DLGAP4: variants seen among roughly 807,000 people sequenced by gnomAD.
DLGAP4 encodes the protein DLG associated protein 4, also known as disks large-associated protein 4.
DLGAP4 carries 18 observed loss-of-function variants against 86.9 expected under a neutral mutation model. That is an observed-to-expected ratio of 0.21 (90% confidence interval 0.14 to 0.31). The LOEUF is 0.31. Among genes scored for constraint, DLGAP4 ranks in the 10% least tolerant of loss-of-function variants. The probability of loss-of-function intolerance (pLI) is 1.00; values close to 1 mark genes in which losing one functional copy is unlikely to be tolerated. For synonymous variants in DLGAP4, 548 were observed against 574.3 expected, an observed-to-expected ratio of 0.95 and a Z score of 0.65; for missense variants, 1,085 against 1,362.6, an observed-to-expected ratio of 0.80 and a Z score of 3.21.
At chr20:36,380,656 A>G (rs1033001885) in intron 2 of DLGAP4, among the ~76,000 whole-genome samples, 5 of 118,104 alleles carry the variant, frequency 4.2e-5, no homozygotes, top group African/African-American at 6.8e-5. Context: ...AGAGAGAGAG[A>G]GAGAGAGAAT....
chr20:36,446,638 C>G (rs1307234581), intron 6 of DLGAP4, 59 bp from the exon 7 acceptor site: 1 of 1,516,932 alleles, frequency 6.6e-7, no homozygotes, highest in Non-Finnish European at 8.9e-7. Flanking sequence ...CACCAAGAAC[C>G]GCTCCCCCCA....
At chr20:36,329,062 T>A (rs2065243269) in intron 1 of DLGAP4, among the ~76,000 whole-genome samples, 2 of 152,216 alleles carry the variant, frequency 1.3e-5, no homozygotes, top group African/African-American at 4.8e-5. Context: ...GTGTGAGCCA[T>A]CGCGCCCGGC....
intron 2 of DLGAP4, among the ~76,000 whole-genome samples, chr20:36,395,699 A>G (rs1021632327): frequency 2.0e-5 from 3 of 152,066 alleles, no homozygotes; most frequent in Non-Finnish European, 4.4e-5. Flanking sequence ...GGATTTCACC[A>G]TGTTGACCCG....
chr20:36,437,443 A>G (rs1328112057), intron 4 of DLGAP4, among the ~76,000 whole-genome samples: 1 of 152,048 alleles, frequency 6.6e-6, no homozygotes, highest in Non-Finnish European at 1.5e-5. Flanking sequence ...TGAGTGCATC[A>G]CCTGTAACAG....
intron 7 of DLGAP4, chr20:36,462,650 G>A (rs767407963): frequency 3.2e-6 from 5 of 1,555,354 alleles, no homozygotes; most frequent in African/African-American, 2.8e-5. Context: ...CAGGCTGGCC[G>A]CGGCCGAGGC....
At chr20:36,447,379 G>C (rs1009459637) in intron 7 of DLGAP4, among the ~76,000 whole-genome samples, 13 of 152,166 alleles carry the variant, frequency 8.5e-5, no homozygotes, top group Admixed American at 8.5e-4. Flanking sequence ...TGTTTTACAG[G>C]CTTCTCTCAT....
chr20:36,365,790 CT>C (rs1263374951), intron 1 of DLGAP4, among the ~76,000 whole-genome samples: 3 of 152,180 alleles, frequency 2.0e-5, no homozygotes, highest in African/African-American at 7.2e-5. Context: ...AAAGGTGAGC[CT>C]CCCCGACCAG....
intron 2 of DLGAP4, among the ~76,000 whole-genome samples, chr20:36,408,444 C>T (rs531606014): frequency 2.0e-5 from 3 of 152,268 alleles, no homozygotes; most frequent in African/African-American, 7.2e-5. Context: ...GCTGCTTCCG[C>T]GGGCATCATC....
At chr20:36,378,219 C>T (rs1328056799) in intron 2 of DLGAP4, among the ~76,000 whole-genome samples, 1 of 152,160 alleles carries the variant, frequency 6.6e-6, no homozygotes, top group Non-Finnish European at 1.5e-5. Context: ...AGATCACTTC[C>T]TGTCTCTGTG....
Position 36,321,321 on chromosome 20 carries a change from G to A in DLGAP4, c.-304+14809G>A, listed in dbSNP as rs561537738. ...CACATGGGAGAATAGGGAGCAAGAA[G>A]ACGGGCAGGGATGGGGTCTTTCAGA... On this transcript the variant is annotated intron_variant, in intron 1 of 12. Transcript: ENST00000339266. Among the ~76,000 whole-genome samples the A allele has an allele frequency of 2.6e-5, 4 of 152,386 alleles. No homozygotes were observed. In the East Asian group the frequency reaches 5.8e-4, roughly 22 times the overall value.
intron 1 of DLGAP4, among the ~76,000 whole-genome samples, chr20:36,345,255 T>C (rs2029898799): frequency 6.6e-6 from 1 of 152,214 alleles, no homozygotes; most frequent in African/African-American, 2.4e-5. Flanking sequence ...CCCCTGCAAT[T>C]GGCTTCTGGA....
intron 10 of DLGAP4, among the ~76,000 whole-genome samples, chr20:36,513,136 C>A (rs1392647509): frequency 1.3e-5 from 2 of 151,044 alleles, no homozygotes; most frequent in Non-Finnish European, 3.0e-5. Context: ...GTTGCCCAGG[C>A]TGGTCTTGAA....
chr20:36,458,344 C>CTTTTTTT (rs1173496431), intron 7 of DLGAP4, among the ~76,000 whole-genome samples: 6 of 91,432 alleles, frequency 6.6e-5, no homozygotes, highest in Non-Finnish European at 1.0e-4. Context: ...AACCCCATAT[C>CTTTTTTT]TTTTTTTTTT....
rs187438891 is a variant in DLGAP4, at chr20:36,455,783, G to C, written c.1648+8846G>C. ...GCCCTCCTACCCCTAACCTCCCCCCGGCACCACACACTCTGTATACAGGAA... is the reference window on the plus strand; with the variant it reads ...GCCCTCCTACCCCTAACCTCCCCCCCGCACCACACACTCTGTATACAGGAA... On this transcript the variant is annotated intron_variant, in intron 7 of 12. Transcript: ENST00000339266. Among the ~76,000 whole-genome samples, 889 of 151,448 alleles carry C rather than the reference G, an allele frequency of 5.9e-3. 10 individuals are homozygous for C. The highest frequency in any genetic ancestry group is 0.021 in the African/African-American group (858 of 41,194).
intron 10 of DLGAP4, among the ~76,000 whole-genome samples, chr20:36,511,573 A>G (rs1379092200): frequency 6.6e-6 from 1 of 152,020 alleles, no homozygotes; most frequent in African/African-American, 2.4e-5. Context: ...TGTGAAATTG[A>G]TCATTTAAAA....
At chr20:36,443,930 T>C (rs2033520410) in intron 6 of DLGAP4, among the ~76,000 whole-genome samples, 1 of 152,054 alleles carries the variant, frequency 6.6e-6, no homozygotes, top group African/African-American at 2.4e-5. Flanking sequence ...ATTTTATAGG[T>C]GGGGAAACTG....
Position 36,436,180 on chromosome 20 carries a change from C to A in DLGAP4, c.1071C>A (p.Gly357=), listed in dbSNP as rs773869237. The change falls in exon 4 of 13, where the codon GGC becomes GGA. Residue 357 remains glycine (G), a synonymous_variant. Transcript: ENST00000339266. ...GCGAGACGGATGCCGCGGCCGAGGG[C>A]CCTATCCCGTGCCGGCGCATGCGCA... ...SPRETDAAAE[G]PIPCRRMRSG... 5.6e-6 allele frequency: 9 copies of A among 1,600,638 alleles called. No individual in the cohort carries two copies. Among genetic ancestry groups the A allele is most frequent in the South Asian group, 3.3e-5 (3 of 90,536 alleles).
chr20:36,408,763 G>GAT lies in DLGAP4; in HGVS notation c.-72-22876_-72-22875dup, dbSNP rs1328565185. ...TATTTTAAAATAAAGTTTTGCAATA[G>GAT]ATATATATTCACATGATTAAAATTC... On this transcript the variant is annotated intron_variant, in intron 2 of 12. Transcript: ENST00000339266. Among the ~76,000 whole-genome samples, 5 of 152,330 alleles carry GAT rather than the reference G, an allele frequency of 3.3e-5. No homozygotes were observed. The East Asian group carries it at 9.6e-4, about 29-fold the overall frequency.
intron 7 of DLGAP4, among the ~76,000 whole-genome samples, chr20:36,489,104 C>T (rs750569528): frequency 1.2e-4 from 18 of 152,162 alleles, no homozygotes; most frequent in Admixed American, 2.0e-4. Context: ...ACTAAATAGA[C>T]CTGCGAAAGG....
Sources: allele counts gnomAD v4.1 joint callset (sites outside exome capture counted in the v4.1 genomes callset), GRCh38; gene constraint gnomAD v4.1.1; transcripts MANE v1.5; gene names NCBI Gene and HGNC (gene_info 2026-07-23, HGNC 2026-07-21).